Variants in TYMS observed in about 807,000 individuals in gnomAD.
TYMS encodes the protein thymidylate synthase.
A neutral mutation model predicts 39.3 loss-of-function variants in TYMS; 21 were observed. The ratio of observed to expected loss-of-function variants is 0.54; its 90% CI spans 0.38 to 0.77. The LOEUF (loss-of-function observed/expected upper bound fraction) is 0.77, where lower values mean the gene tolerates loss of function less well. TYMS is among the 30% of genes least tolerant of loss of function. TYMS has a pLI of 0.00. For missense variants in TYMS, 273 were observed against 406.7 expected, an observed-to-expected ratio of 0.67 and a Z score of 2.83; for synonymous variants, 171 against 162.2, an observed-to-expected ratio of 1.05 and a Z score of -0.41.
At chr18:670,093 G>A (rs1366641808) in intron 4 of TYMS, among the ~76,000 whole-genome samples, 2 of 151,060 alleles carry the variant, frequency 1.3e-5, no homozygotes, top group Non-Finnish European at 2.9e-5. Context: ...GCCCAGGCTG[G>A]AGTGCAGTGG....
intron 6 of TYMS, chr18:672,323 G>C (rs998460116): frequency 6.6e-6 from 1 of 152,236 alleles, no homozygotes; most frequent in African/African-American, 2.4e-5. Flanking sequence ...TTGAGTGGAG[G>C]TGACTTCAGG....
chr18:659,079 C>G (rs2074728080), intron 1 of TYMS, among the ~76,000 whole-genome samples: 1 of 152,208 alleles, frequency 6.6e-6, no homozygotes, highest in Non-Finnish European at 1.5e-5. Flanking sequence ...TCTCATATAG[C>G]TTCCCTATAT....
Position 658,263 on chromosome 18 carries a change from C to G in TYMS, c.205+316C>G. The G allele has an allele frequency of 6.9e-7, 1 of 1,457,756 alleles. No homozygotes were observed. Among genetic ancestry groups the G allele is most frequent in the South Asian group, 1.2e-5 (1 of 82,654 alleles). The allele number at this position is 1,457,756 out of a possible 1,614,324, so 90.3% of individuals were successfully genotyped here. On this transcript the variant is annotated intron_variant, in intron 1 of 6. Coordinates refer to ENST00000323274, the MANE Select transcript of TYMS (RefSeq NM_001071.4). The surrounding 1 kb of genome is among the most constrained non-coding windows in gnomAD (Gnocchi z 4.5). ...CGGGCGTCATCGGGCAGCGTTTGCC[C>G]AGTGCTGGAGGGTTAGGGAGAGCTG...
chr18:664,416 G>A (rs2074786652), intron 3 of TYMS, among the ~76,000 whole-genome samples: 1 of 145,572 alleles, frequency 6.9e-6, no homozygotes, highest in Non-Finnish European at 1.5e-5. Flanking sequence ...GGAGATTTTG[G>A]GCTGAGACAA....
At chr18:657,987 AG>A in intron 1 of TYMS, 40 bp downstream of exon 1, 1 of 1,511,282 alleles carries the variant, frequency 6.6e-7, no homozygotes, top group Non-Finnish European at 8.8e-7. Flanking sequence ...GGCGGGAAGG[AG>A]GGAGGCGCGG....
intron 2 of TYMS, among the ~76,000 whole-genome samples, 165 bp downstream of exon 2, chr18:659,879 C>T (rs930109340): frequency 3.3e-5 from 5 of 152,114 alleles, no homozygotes; most frequent in South Asian, 2.1e-4. Flanking sequence ...TGAGACCAGC[C>T]TGGCCAACAT....
chr18:671,588 GTGGTGGGC>G (rs1248046301), intron 6 of TYMS, 137 bp downstream of exon 6: 3 of 702,432 alleles, frequency 4.3e-6, no homozygotes, highest in South Asian at 3.2e-5. Flanking sequence ...TTAGGGAGAA[GTGGTGGGC>G]AGGTGGGCAG....
In TYMS at chr18:657,817, T is replaced by G; in HGVS notation, c.75T>G (p.Arg25=). The change falls in exon 1 of 7, where the codon CGT becomes CGG. Residue 25 remains arginine (R), a synonymous_variant. Coordinates refer to ENST00000323274, the MANE Select transcript of TYMS (RefSeq NM_001071.4). ...CACAGGAGCGGGACGCCGAGCCGCGTCCGCCGCACGGGGAGCTGCAGTACC... is the reference window on the plus strand; with the variant it reads ...CACAGGAGCGGGACGCCGAGCCGCGGCCGCCGCACGGGGAGCTGCAGTACC... ...PAAQERDAEP[R]PPHGELQYLG... The G allele has an allele frequency of 6.8e-7, 1 of 1,467,268 alleles. No individual in the cohort carries two copies. 90.9% of individuals were successfully genotyped at this position (1,467,268 alleles called of 1,614,324 possible).
chr18:667,215 AGATGGTGATGGT>A (rs1229328111), intron 3 of TYMS, among the ~76,000 whole-genome samples: 2 of 25,386 alleles, frequency 7.9e-5, no homozygotes, highest in Non-Finnish European at 1.3e-4. Flanking sequence ...ATGGTGATGG[AGATGGTGATGGT>A]GATGGAGATG....
At chr18:667,298 T>A (rs376883868) in intron 3 of TYMS, among the ~76,000 whole-genome samples, 4 of 29,146 alleles carry the variant, frequency 1.4e-4, no homozygotes, top group Admixed American at 6.0e-4. Context: ...ATGGAGATGG[T>A]GATGGTGATG....
chr18:671,885 T>G (rs2075073764), intron 6 of TYMS: 1 of 175,090 alleles, frequency 5.7e-6, no homozygotes, highest in South Asian at 1.4e-4. Context: ...GTTCAAGCAA[T>G]TCTTCTGCCT....
In TYMS at chr18:659,623, T is replaced by C. The variant is rs1404056200; in HGVS notation, c.206-18T>C. On this transcript the variant is annotated intron_variant, in intron 1 of 6. Coordinates refer to ENST00000323274, the MANE Select transcript of TYMS (RefSeq NM_001071.4). ...TCTGTCTTCCCATCTTGAAACCGTA[T>C]GGCAAATTGTTTTTCAGATGAATTC... 1.2e-6 allele frequency: 2 copies of C among 1,611,568 alleles called. No homozygotes were observed. The highest frequency in any genetic ancestry group is 1.3e-5 in the African/African-American group (1 of 74,894).
rs1475108462 is a variant in TYMS at position 673,127 on chromosome 18, T to C, written c.*130T>C. ...AAATCTGTCCGTGACCTATCAGTTATTAATTTTTAAGGATGTTGCCACTGG... is the reference window on the plus strand; with the variant it reads ...AAATCTGTCCGTGACCTATCAGTTACTAATTTTTAAGGATGTTGCCACTGG... On this transcript the variant is annotated 3_prime_UTR_variant, in exon 7 of 7. Coordinates refer to ENST00000323274, the MANE Select transcript of TYMS (RefSeq NM_001071.4). The C allele has an allele frequency of 2.8e-6, 3 of 1,056,268 alleles. No individual in the cohort carries two copies. The highest frequency in any genetic ancestry group is 2.8e-5 in the South Asian group (1 of 36,280). The allele number at this position is 1,056,268 out of a possible 1,614,324, so 65.4% of individuals were successfully genotyped here. A position where few individuals can be genotyped will look rare whatever the true frequency, so the allele number is the denominator to read the frequency against.
chr18:666,978 TG>T (rs2074842680), intron 3 of TYMS, among the ~76,000 whole-genome samples: 4 of 11,530 alleles, frequency 3.5e-4, no homozygotes, highest in African/African-American at 1.3e-3. Flanking sequence ...GTGATGGAGA[TG>T]GAGATGGTGA....
At chr18:661,994 A>C (rs1392881800) in intron 2 of TYMS, 152 bp from the exon 3 acceptor site, 1 of 763,798 alleles carries the variant, frequency 1.3e-6, no homozygotes, top group Non-Finnish European at 2.0e-6. Context: ...AAAACAAAAA[A>C]AAGGATGGGT....
rs1439359805 is a variant in TYMS at position 657,711 on chromosome 18, T to C, written c.-32T>C. The C allele has an allele frequency of 2.4e-6, 3 of 1,253,374 alleles. No individual in the cohort carries two copies. The highest frequency in any genetic ancestry group is 3.0e-6 in the Non-Finnish European group (3 of 1,002,028). The allele number at this position is 1,253,374 out of a possible 1,614,324, so 77.6% of individuals were successfully genotyped here. A position where few individuals can be genotyped will look rare whatever the true frequency, so the allele number is the denominator to read the frequency against. On this transcript the variant is annotated 5_prime_UTR_variant, in exon 1 of 7. Coordinates refer to ENST00000323274, the MANE Select transcript of TYMS (RefSeq NM_001071.4). ...GCCTGCCTCCGTCCCGCCGCGCCAC[T>C]TCGCCTGCCTCCGTCCCCCGCCCGC...
Position 673,061 on chromosome 18 carries a change from A to G in TYMS, c.*64A>G, listed in dbSNP as rs1349604592. 3 of 1,436,516 alleles carry G rather than the reference A, an allele frequency of 2.1e-6. No individual in the cohort carries two copies. Among genetic ancestry groups the G allele is most frequent in the African/African-American group, 2.8e-5 (2 of 71,196 alleles). 89.0% of individuals were successfully genotyped at this position (1,436,516 alleles called of 1,614,324 possible). A position where few individuals can be genotyped will look rare whatever the true frequency, so the allele number is the denominator to read the frequency against. On this transcript the variant is annotated 3_prime_UTR_variant, in exon 7 of 7. Transcript: ENST00000323274. ...TAGGGGTTGGGCTGGATGCCGAGGT[A>G]AAAGTTCTTTTTGCTCTAAAAGAAA...
rs1333004687 is a variant in TYMS, at chr18:661,744, G to A, written c.280-402G>A. On this transcript the variant is annotated intron_variant, in intron 2 of 6. Transcript: ENST00000323274. ...CTCACGCCTGTAATCCCAGCACTTC[G>A]GGAGGCCGAAGTGGGCGGATCACCT... 2.0e-5 allele frequency among the ~76,000 whole-genome samples: 3 copies of A among 152,226 alleles called. No individual in the cohort carries two copies. The South Asian group carries it at 6.2e-4, about 32-fold the overall frequency.
In TYMS at chr18:662,135, A is replaced by G. The variant is rs11873890; in HGVS notation, c.280-11A>G. On this transcript the variant is annotated splice_polypyrimidine_tract_variant and intron_variant, in intron 2 of 6. Transcript: ENST00000323274. The stretch of plus-strand genomic sequence containing the variant: ...CCTGGATGCCTGCTCTGCTCTCCCC[A>G]TCTCTTCCAGGGATCCACAAATGCT... 5.6e-3 allele frequency: 8,937 copies of G among 1,601,272 alleles called. 442 individuals carry two copies. The African/African-American group carries it at 0.1, about 19-fold the overall frequency.
Sources: gnomAD v4.1 joint callset for allele counts (sites outside exome capture counted in the v4.1 genomes callset) on GRCh38, gnomAD v4.1.1 for gene constraint, Gnocchi (gnomAD v3.1) non-coding constraint, MANE v1.5 for transcripts, NCBI Gene and HGNC (gene_info 2026-07-23, HGNC 2026-07-21) for gene names.